Variants in CADPS2 observed in about 807,000 individuals in gnomAD.
CADPS2 encodes calcium dependent secretion activator 2.
A neutral mutation model predicts 172.5 loss-of-function variants in CADPS2; 93 were observed. That is an observed-to-expected ratio of 0.54 (90% CI 0.46 to 0.64). CADPS2 has a LOEUF of 0.64. Among genes scored for constraint, CADPS2 ranks in the 30% least tolerant of loss-of-function variants. The pLI, the probability that CADPS2 is intolerant of heterozygous loss-of-function variation, is 0.00. For missense variants in CADPS2, 1,420 were observed against 1,565.9 expected, an observed-to-expected ratio of 0.91 and a Z score of 1.57; for synonymous variants, 546 against 555.2, an observed-to-expected ratio of 0.98 and a Z score of 0.23.
intron 3 of CADPS2, among the ~76,000 whole-genome samples, chr7:122,648,043 T>C (rs1231843067): frequency 1.3e-5 from 2 of 152,190 alleles, no homozygotes; most frequent in Non-Finnish European, 2.9e-5. Context: ...AAGTCAATAG[T>C]GTTTTCCAAC....
At chr7:122,741,150 T>C (rs2092454303) in intron 1 of CADPS2, among the ~76,000 whole-genome samples, 1 of 152,172 alleles carries the variant, frequency 6.6e-6, no homozygotes, top group African/African-American at 2.4e-5. Flanking sequence ...ATTCATTGCA[T>C]TAAAAGAATG....
At chr7:122,730,777 G>A (rs2091562474) in intron 2 of CADPS2, among the ~76,000 whole-genome samples, 2 of 151,468 alleles carry the variant, frequency 1.3e-5, no homozygotes, top group South Asian at 2.1e-4. Flanking sequence ...GCAGTTTTAG[G>A]ATGACAAAAA....
At chr7:122,741,824 ACTAT>A (rs1368873272) in intron 1 of CADPS2, among the ~76,000 whole-genome samples, 2 of 152,182 alleles carry the variant, frequency 1.3e-5, no homozygotes, top group African/African-American at 2.4e-5. Context: ...AGTACTATAC[ACTAT>A]CTAAGACAAA....
At chr7:122,789,936 T>C (rs1047753233) in intron 1 of CADPS2, among the ~76,000 whole-genome samples, 1 of 150,068 alleles carries the variant, frequency 6.7e-6, no homozygotes, top group African/African-American at 2.4e-5. Flanking sequence ...TCCATTTTCT[T>C]AGAAAAACGA....
chr7:122,839,076 C>T (rs987166640), intron 1 of CADPS2, among the ~76,000 whole-genome samples: 1 of 152,148 alleles, frequency 6.6e-6, no homozygotes, highest in African/African-American at 2.4e-5. Context: ...GGTACCAAAA[C>T]AGAGATATAG....
chr7:122,504,463 C>T (rs1417859440), intron 9 of CADPS2, among the ~76,000 whole-genome samples: 1 of 152,196 alleles, frequency 6.6e-6, no homozygotes. Flanking sequence ...CATGCTTCCA[C>T]ACTGTGAATG....
intron 1 of CADPS2, among the ~76,000 whole-genome samples, chr7:122,857,880 T>C (rs1461879986): frequency 1.3e-5 from 2 of 152,214 alleles, no homozygotes; most frequent in Non-Finnish European, 2.9e-5. Flanking sequence ...AGCTTCTTCC[T>C]TGCAGTGGGT....
chr7:122,586,536 T>A (rs1160618522), intron 6 of CADPS2, among the ~76,000 whole-genome samples: 1 of 152,028 alleles, frequency 6.6e-6, no homozygotes. Flanking sequence ...TTGAGCTTTA[T>A]GTTCTGCAGA....
At chr7:122,658,199 C>T (rs1002585171) in intron 3 of CADPS2, among the ~76,000 whole-genome samples, 3 of 152,168 alleles carry the variant, frequency 2.0e-5, no homozygotes, top group African/African-American at 7.2e-5. Context: ...GATACCATCT[C>T]ACACCAGTTA....
intron 1 of CADPS2, among the ~76,000 whole-genome samples, chr7:122,762,306 A>C (rs1195285217): frequency 6.6e-6 from 1 of 152,048 alleles, no homozygotes; most frequent in Admixed American, 6.6e-5. Flanking sequence ...AGAAAGAGAG[A>C]AGAGAAAGCT....
intron 27 of CADPS2, among the ~76,000 whole-genome samples, chr7:122,346,674 T>TTAAA: frequency 6.6e-6 from 1 of 152,316 alleles, no homozygotes; most frequent in South Asian, 2.1e-4. Context: ...AAGATGTGGA[T>TTAAA]TAAATACCTT....
At chr7:122,552,956 GTT>G (rs757170774) in intron 8 of CADPS2, among the ~76,000 whole-genome samples, 105 of 152,142 alleles carry the variant, frequency 6.9e-4, no homozygotes, top group Admixed American at 8.5e-4. Flanking sequence ...CTCTATGACA[GTT>G]TCACTGAACT....
At chr7:122,744,040 T>A (rs2092613948) in intron 1 of CADPS2, among the ~76,000 whole-genome samples, 1 of 152,226 alleles carries the variant, frequency 6.6e-6, no homozygotes, top group Non-Finnish European at 1.5e-5. Flanking sequence ...TCTACAAATA[T>A]CAGGTTCACT....
intron 8 of CADPS2, among the ~76,000 whole-genome samples, chr7:122,532,281 A>G (rs574263686): frequency 1.3e-4 from 20 of 152,236 alleles, no homozygotes; most frequent in African/African-American, 4.8e-4. Context: ...CGGGCAAAAA[A>G]ATTACCTTAA....
intron 12 of CADPS2, 147 bp from the exon 13 acceptor site, chr7:122,474,664 A>G: frequency 1.4e-6 from 1 of 705,644 alleles, no homozygotes; most frequent in Middle Eastern, 3.8e-4. Flanking sequence ...CAGCATATTA[A>G]CATAAATTGC....
At chr7:122,418,169 CA>C (rs112532888) in intron 17 of CADPS2, among the ~76,000 whole-genome samples, 6,300 of 108,970 alleles carry the variant, frequency 0.058, 266 homozygotes, top group African/African-American at 0.15. Context: ...GACTCCATCT[CA>C]AAAAAAAAAA....
chr7:122,645,296 TAC>T (rs1336813702), intron 3 of CADPS2, among the ~76,000 whole-genome samples: 4 of 136,806 alleles, frequency 2.9e-5, no homozygotes, highest in African/African-American at 5.3e-5. Flanking sequence ...TGTACATATA[TAC>T]ACATATGTAC....
chr7:122,698,991 G>T, intron 2 of CADPS2: 2 of 1,122,808 alleles, frequency 1.8e-6, no homozygotes, highest in South Asian at 1.7e-5. Context: ...TTAAAATAAC[G>T]AAGAGAAAAA....
chr7:122,753,278 T>C (rs761964781), intron 1 of CADPS2, among the ~76,000 whole-genome samples: 1 of 152,198 alleles, frequency 6.6e-6, no homozygotes, highest in East Asian at 1.9e-4. Context: ...ACATTATTCA[T>C]TGTTTAAGTC....
Sources: gnomAD v4.1 joint callset for allele counts (sites outside exome capture counted in the v4.1 genomes callset) on GRCh38, gnomAD v4.1.1 for gene constraint, MANE v1.5 for transcripts, NCBI Gene and HGNC (gene_info 2026-07-23, HGNC 2026-07-21) for gene names.